The following TGM3 variants were observed in gnomAD, a reference collection of about 807,000 sequenced individuals.
TGM3 encodes the protein protein-glutamine gamma-glutamyltransferase E.
TGM3 carries 52 observed loss-of-function variants against 73.8 expected under a neutral mutation model. The ratio of observed to expected loss-of-function variants is 0.70; its 90% confidence interval spans 0.56 to 0.89. TGM3 has a LOEUF of 0.89. Ranked by LOEUF, TGM3 falls within the 40% of genes least tolerant of loss-of-function variation. TGM3 has a pLI of 0.00. For synonymous variants in TGM3, 372 were observed against 354.9 expected, an observed-to-expected ratio of 1.05 and a Z score of -0.54; for missense variants, 928 against 909.9, an observed-to-expected ratio of 1.02 and a Z score of -0.26.
At chr20:2,316,613 T>C (rs868420109) in intron 5 of TGM3, among the ~76,000 whole-genome samples, 2 of 143,788 alleles carry the variant, frequency 1.4e-5, no homozygotes, top group African/African-American at 5.5e-5. Context: ...TAAAAATAAA[T>C]AAAATAAATA....
intron 7 of TGM3, among the ~76,000 whole-genome samples, chr20:2,324,547 G>T (rs6048164): frequency 0.072 from 10,910 of 152,208 alleles, 1,270 homozygotes; most frequent in African/African-American, 0.24. Flanking sequence ...CAGTGGCTCT[G>T]CTCTCAGTTC....
At position 2,310,050 on chromosome 20, in the gene TGM3, T is replaced by C. The variant is rs2084194902; in HGVS notation, c.182-128T>C. On this transcript the variant is annotated intron_variant, in intron 2 of 12. Transcript: ENST00000381458. ...ATCTGGCCTGTATGTTTGTTCCAGT[T>C]ACTTCCAGTGGTAGAATATGGCGCT... 3 of 1,449,678 alleles carry C rather than the reference T, an allele frequency of 2.1e-6. No individual in the cohort carries two copies. The African/African-American group carries it at 4.2e-5, about 20-fold the overall frequency. The allele number at this position is 1,449,678 out of a possible 1,614,324, so 89.8% of individuals were successfully genotyped here.
In TGM3 at chr20:2,324,416, C is replaced by G. The variant is rs549449882; in HGVS notation, c.984-1433C>G. On this transcript the variant is annotated intron_variant, in intron 7 of 12. Transcript: ENST00000381458. ...GAGGATAAACCACATTTTCCTGGTT[C>G]TTTGTTTGTTGAGTGATTTTGGCTC... Among the ~76,000 whole-genome samples, 5 of 152,220 alleles carry G rather than the reference C, an allele frequency of 3.3e-5. No individual in the cohort carries two copies. The South Asian group carries it at 1.0e-3, about 32-fold the overall frequency.
intron 11 of TGM3, among the ~76,000 whole-genome samples, chr20:2,336,243 G>T (rs2084350689): frequency 1.3e-5 from 2 of 152,056 alleles, no homozygotes; most frequent in Non-Finnish European, 2.9e-5. Flanking sequence ...AGGGTGAAGG[G>T]TGCTGGAACC....
At position 2,310,209 on chromosome 20, in the gene TGM3, G is replaced by A. The variant is rs1424065664; in HGVS notation, c.213G>A (p.Lys71=). The part of the protein sequence containing the change: ...GPYPSESAMT[K]AVFPLSNGSS... ...ACCCCTCAGAGTCGGCCATGACGAA[G>A]GCTGTGTTTCCACTCTCCAATGGCA... The change falls in exon 3 of 13, where the codon AAG becomes AAA. Residue 71 remains lysine, a synonymous_variant. Coordinates refer to ENST00000381458, the MANE Select transcript of TGM3 (RefSeq NM_003245.4). 2.5e-6 allele frequency: 4 copies of A among 1,614,114 alleles called. No individual in the cohort carries two copies. In the African/African-American group the frequency reaches 4.0e-5, roughly 16 times the overall value.
rs530116639 is a variant in TGM3, at chr20:2,313,019, G to C, written c.662G>C (p.Ser221Thr). 13 of 1,614,036 alleles carry C rather than the reference G, an allele frequency of 8.1e-6. No individual in the cohort carries two copies. Among genetic ancestry groups the C allele is most frequent in the South Asian group, 1.1e-5 (1 of 91,086 alleles). The change falls in exon 5 of 13, where the codon AGT becomes ACT. Residue 221 changes from serine to threonine, a missense_variant. Physicochemically the swap from Ser to Thr is moderately conservative, Grantham distance 58. Coordinates refer to ENST00000381458, the MANE Select transcript of TGM3 (RefSeq NM_003245.4). ...NDPKYVGRVL[S>T]AMINSNDDNG... ...CCCAAATACGTTGGCCGGGTGCTGAGTGCCATGGTGAGTAACAGGAAAACG... is the reference window on the plus strand; with the variant it reads ...CCCAAATACGTTGGCCGGGTGCTGACTGCCATGGTGAGTAACAGGAAAACG...
At chr20:2,309,891 C>A in intron 2 of TGM3, 61 bp downstream of exon 2, 2 of 1,599,516 alleles carry the variant, frequency 1.3e-6, no homozygotes, top group South Asian at 1.1e-5. Flanking sequence ...CTTGTTCATT[C>A]AAGGACTGAC....
At chr20:2,305,115 G>A (rs560617616) in intron 1 of TGM3, among the ~76,000 whole-genome samples, 120 of 152,290 alleles carry the variant, frequency 7.9e-4, no homozygotes, top group Middle Eastern at 6.8e-3. Context: ...ATCCTTTGGG[G>A]TTTGGGTTTT....
chr20:2,337,833 T>C (rs2084359487), intron 11 of TGM3, among the ~76,000 whole-genome samples: 1 of 152,224 alleles, frequency 6.6e-6, no homozygotes, highest in South Asian at 2.1e-4. Flanking sequence ...GCTATACATC[T>C]TCCAGATTTC....
intron 8 of TGM3, 86 bp downstream of exon 8, chr20:2,326,038 C>A: frequency 1.6e-6 from 2 of 1,280,156 alleles, no homozygotes; most frequent in Non-Finnish European, 2.2e-6. Context: ...AACTCCAAAG[C>A]CCTCTCCCTC....
intron 7 of TGM3, among the ~76,000 whole-genome samples, chr20:2,324,105 A>G (rs1370849654): frequency 1.3e-5 from 2 of 152,076 alleles, no homozygotes; most frequent in Non-Finnish European, 2.9e-5. Context: ...CTAGTCATCT[A>G]TCTTCAAATT....
intron 5 of TGM3, among the ~76,000 whole-genome samples, chr20:2,314,763 T>C (rs2084224817): frequency 6.6e-6 from 1 of 152,218 alleles, no homozygotes; most frequent in African/African-American, 2.4e-5. Context: ...TTTACTTTAA[T>C]CCTCTTAAAC....
intron 11 of TGM3, 48 bp from the exon 12 acceptor site, chr20:2,339,806 G>A (rs1167478115): frequency 3.1e-6 from 5 of 1,611,732 alleles, no homozygotes; most frequent in South Asian, 1.1e-5. Flanking sequence ...GGTGCAGGCA[G>A]GGGCTGAGCA....
chr20:2,333,512 C>G (rs2084331894), intron 10 of TGM3, among the ~76,000 whole-genome samples: 1 of 152,132 alleles, frequency 6.6e-6, no homozygotes. Context: ...CCCCAAGTAG[C>G]TGTAGTCCCA....
intron 1 of TGM3, among the ~76,000 whole-genome samples, chr20:2,300,105 T>TAAAAAAA (rs5839945): frequency 7.2e-6 from 1 of 138,952 alleles, no homozygotes. Flanking sequence ...AGACTCCATT[T>TAAAAAAA]AAAAAAAAAA....
chr20:2,314,455 G>A (rs773457183), intron 5 of TGM3, among the ~76,000 whole-genome samples: 2 of 151,820 alleles, frequency 1.3e-5, no homozygotes, highest in Non-Finnish European at 2.9e-5. Context: ...GACTTTGGGA[G>A]GCTAAGGCAG....
At chr20:2,319,559 C>CA (rs1220308590) in intron 7 of TGM3, among the ~76,000 whole-genome samples, 1 of 152,174 alleles carries the variant, frequency 6.6e-6, no homozygotes, top group African/African-American at 2.4e-5. Flanking sequence ...CACTGCCCCC[C>CA]ACATCAGCTT....
chr20:2,313,088 T>C, intron 5 of TGM3, 62 bp downstream of exon 5: 3 of 1,603,470 alleles, frequency 1.9e-6, no homozygotes, highest in Non-Finnish European at 2.6e-6. Context: ...ACCTATGAGC[T>C]AGGCACGCAC....
rs558776791 is a variant in TGM3 at position 2,334,982 on chromosome 20, G to A, written c.1643-134G>A. ...ACGCTTCCCACAGGACCTGGCCCAA[G>A]GAGGGCTCAGTCAAGCCCGGGGCTG... On this transcript the variant is annotated intron_variant, in intron 10 of 12. Coordinates refer to ENST00000381458, the MANE Select transcript of TGM3 (RefSeq NM_003245.4). The surrounding 1 kb of genome is among the most constrained non-coding windows in gnomAD (Gnocchi z 4.0). 4.4e-6 allele frequency: 5 copies of A among 1,139,076 alleles called. No individual in the cohort carries two copies. 70.6% of individuals were successfully genotyped at this position (1,139,076 alleles called of 1,614,324 possible). A position where few individuals can be genotyped will look rare whatever the true frequency, so the allele number is the denominator to read the frequency against.
Sources: allele counts gnomAD v4.1 joint callset (sites outside exome capture counted in the v4.1 genomes callset), GRCh38; gene constraint gnomAD v4.1.1; non-coding constraint Gnocchi (gnomAD v3.1); transcripts MANE v1.5; gene names NCBI Gene and HGNC (gene_info 2026-07-23, HGNC 2026-07-21).